TENM2: variants seen among roughly 807,000 people sequenced by gnomAD.
TENM2 encodes the protein teneurin transmembrane protein 2.
In TENM2, 52 loss-of-function variants were observed where a neutral mutation model predicts 245.2. That is an observed-to-expected ratio of 0.21 (90% CI 0.17 to 0.27). The LOEUF (loss-of-function observed/expected upper bound fraction) is 0.27. Ranked by LOEUF, TENM2 falls within the 10% of genes least tolerant of loss-of-function variation. The probability of loss-of-function intolerance (pLI) is 1.00; values close to 1 mark genes in which losing one functional copy is unlikely to be tolerated. For synonymous variants in TENM2, 1,363 were observed against 1,438.9 expected (o/e 0.95, Z 1.19); for missense variants, 3,046 against 3,666.8 (o/e 0.83, Z 4.37).
intron 2 of TENM2, among the ~76,000 whole-genome samples, chr5:167,553,372 T>C (rs928823429): frequency 1.3e-5 from 2 of 152,110 alleles, no homozygotes; most frequent in African/African-American, 4.8e-5. Flanking sequence ...GATAGTACTG[T>C]GTCAGTAAAT....
the TENM2 span, among the ~76,000 whole-genome samples, chr5:167,174,598 G>GTA: frequency 6.6e-6 from 1 of 152,022 alleles, no homozygotes; most frequent in East Asian, 1.9e-4. Flanking sequence ...TTTGATATCT[G>GTA]TATATATATA....
intron 9 of TENM2, among the ~76,000 whole-genome samples, chr5:168,112,317 C>T (rs1794725081): frequency 6.6e-6 from 1 of 151,996 alleles, no homozygotes; most frequent in South Asian, 2.1e-4. Context: ...ATTATTCCAT[C>T]ACTCAGGTAT....
At chr5:167,895,000 A>AGGAGGGAGGGAG in intron 3 of TENM2, among the ~76,000 whole-genome samples, 1 of 111,642 alleles carries the variant, frequency 9.0e-6, no homozygotes, top group East Asian at 3.4e-4. Flanking sequence ...GAGGGAAGGA[A>AGGAGGGAGGGAG]GGAAGGAAGG....
At chr5:167,433,693 C>G (rs1370367609) in intron 2 of TENM2, among the ~76,000 whole-genome samples, 3 of 151,964 alleles carry the variant, frequency 2.0e-5, no homozygotes, top group African/African-American at 7.2e-5. Flanking sequence ...CTATTAATCT[C>G]CACATTGATC....
At chr5:167,842,580 CAAAAAAAAAA>C (rs1160974467) in intron 2 of TENM2, among the ~76,000 whole-genome samples, 5,354 of 45,260 alleles carry the variant, frequency 0.12, 364 homozygotes, top group African/African-American at 0.25. Flanking sequence ...GACTCCATGT[CAAAAAAAAAA>C]AAAAAAAAAA....
intron 2 of TENM2, among the ~76,000 whole-genome samples, chr5:167,682,650 C>T (rs551458983): frequency 3.3e-5 from 5 of 152,016 alleles, no homozygotes; most frequent in Admixed American, 6.6e-5. Context: ...CTTTGTTAAC[C>T]GTTCGTATTT....
chr5:168,189,518 A>T lies in TENM2; in HGVS notation c.2570-819A>T, dbSNP rs993359031. Reference sequence around the variant, plus strand: ...GCACAGGACTCTAGGCAAGTGCATAATAATGTTCCGAGTCCTGAGGGCGTG... The same window carrying T: ...GCACAGGACTCTAGGCAAGTGCATATTAATGTTCCGAGTCCTGAGGGCGTG... On this transcript the variant is annotated intron_variant, in intron 13 of 28. Coordinates refer to ENST00000518659, the Ensembl canonical transcript of TENM2. Among the ~76,000 whole-genome samples the T allele has an allele frequency of 2.6e-5, 4 of 152,330 alleles. No homozygotes were observed. In the East Asian group the frequency reaches 5.8e-4, roughly 22 times the overall value.
At chr5:167,953,908 TG>T (rs2151849056) in intron 4 of TENM2, among the ~76,000 whole-genome samples, 1 of 152,300 alleles carries the variant, frequency 6.6e-6, no homozygotes, top group African/African-American at 2.4e-5. Flanking sequence ...AAAATTAATA[TG>T]TTATACATCT....
At chr5:167,198,037 T>G in the TENM2 span, among the ~76,000 whole-genome samples, 4 of 151,906 alleles carry the variant, frequency 2.6e-5, no homozygotes, top group Non-Finnish European at 4.4e-5. Flanking sequence ...ATTGGAATAT[T>G]CCCAGATAAC....
At chr5:167,041,965 C>A in the TENM2 span, among the ~76,000 whole-genome samples, 1 of 152,096 alleles carries the variant, frequency 6.6e-6, no homozygotes, top group African/African-American at 2.4e-5. Context: ...ATTATCTGAT[C>A]CCTTTTTAAC....
chr5:167,523,070 G>T (rs1477870941), intron 2 of TENM2, among the ~76,000 whole-genome samples: 1 of 152,144 alleles, frequency 6.6e-6, no homozygotes, highest in East Asian at 1.9e-4. Flanking sequence ...TCCTCTGTGT[G>T]TCTGTCTCAG....
chr5:166,989,145 C>G, the TENM2 span, among the ~76,000 whole-genome samples: 1 of 151,780 alleles, frequency 6.6e-6, no homozygotes, highest in Non-Finnish European at 1.5e-5. Flanking sequence ...TCTCGATTCA[C>G]TGCAACCTCC....
intron 2 of TENM2, among the ~76,000 whole-genome samples, chr5:167,379,927 A>G (rs936946346): frequency 4.5e-4 from 48 of 105,926 alleles, no homozygotes; most frequent in Middle Eastern, 4.7e-3. Context: ...ATTTAAAAAC[A>G]TACCAAAAAA....
At chr5:168,127,035 C>T (rs1179912791) in intron 12 of TENM2, 69 bp downstream of exon 14, 1 of 1,318,578 alleles carries the variant, frequency 7.6e-7, no homozygotes, top group Admixed American at 2.0e-5. Context: ...CTGGCTGTTC[C>T]TTCAGGGACA....
At chr5:167,839,225 A>G (rs1389324201) in intron 2 of TENM2, among the ~76,000 whole-genome samples, 1 of 152,146 alleles carries the variant, frequency 6.6e-6, no homozygotes, top group Non-Finnish European at 1.5e-5. Context: ...CCTGCTTTTC[A>G]TGAGAATAGA....
At chr5:166,988,904 A>G in the TENM2 span, among the ~76,000 whole-genome samples, 1 of 152,174 alleles carries the variant, frequency 6.6e-6, no homozygotes. Context: ...TTTGGCTTTG[A>G]TATTGATTGA....
intron 1 of TENM2, among the ~76,000 whole-genome samples, chr5:167,309,234 G>A (rs1440547164): frequency 1.3e-5 from 2 of 152,038 alleles, no homozygotes; most frequent in African/African-American, 4.8e-5. Context: ...AACAAAGATG[G>A]CCGCTCTCCC....
rs143416390 is a variant in TENM2 at position 167,716,220 on chromosome 5, GTGT to G, written c.503-159763_503-159761del. Among the ~76,000 whole-genome samples, 547 of 152,294 alleles carry G rather than the reference GTGT, an allele frequency of 3.6e-3. 6 individuals are homozygous for G. The highest frequency in any genetic ancestry group is 0.012 in the African/African-American group (507 of 41,578). On this transcript the variant is annotated intron_variant, in intron 2 of 28. Transcript: ENST00000518659. The stretch of plus-strand genomic sequence containing the variant: ...GAAGGCTTGAAAACAAGTCACTTGG[GTGT>G]TGATGATGACTGGAAAACTGTATTT...
intron 2 of TENM2, among the ~76,000 whole-genome samples, chr5:167,718,719 A>G (rs1276067998): frequency 6.6e-6 from 1 of 152,216 alleles, no homozygotes; most frequent in Non-Finnish European, 1.5e-5. Context: ...TTCTAAGCAC[A>G]ACAAAGCAGG....
Sources: allele counts gnomAD v4.1 joint callset (sites outside exome capture counted in the v4.1 genomes callset), GRCh38; gene constraint gnomAD v4.1.1; transcripts MANE v1.5; gene names NCBI Gene and HGNC (gene_info 2026-07-23, HGNC 2026-07-21).